Variants in ACTR3C observed in about 807,000 individuals in gnomAD.
ACTR3C encodes actin related protein 3C, also known as actin-related protein 3C.
Under a neutral mutation model 26.3 loss-of-function variants are expected in ACTR3C, and 18 were observed. That is an observed-to-expected ratio of 0.68 (90% CI 0.47 to 1.01). The LOEUF (loss-of-function observed/expected upper bound fraction) is 1.01, where lower values mean the gene tolerates loss of function less well. ACTR3C is among the 50% of genes least tolerant of loss of function. The probability of loss-of-function intolerance (pLI) is 0.00; values close to 1 mark genes in which losing one functional copy is unlikely to be tolerated. For missense variants in ACTR3C, 184 were observed against 250.7 expected, an observed-to-expected ratio of 0.73 and a Z score of 1.80; for synonymous variants, 55 against 94.5, an observed-to-expected ratio of 0.58 and a Z score of 2.42.
rs1835622071 is a variant in ACTR3C, at chr7:150,284,632, C to A, written c.564+121G>T. 1.4e-5 allele frequency: 12 copies of A among 838,740 alleles called. No individual in the cohort carries two copies. The South Asian group carries it at 3.1e-4, about 22-fold the overall frequency. The allele number at this position is 838,740 out of a possible 1,614,324, so 52.0% of individuals were successfully genotyped here. Reference sequence around the variant, plus strand: ...ACAATTATATTGTCTTTAACAAATCCTATGAAACAGAAGGTGAAACAGGGA... The same window carrying A: ...ACAATTATATTGTCTTTAACAAATCATATGAAACAGAAGGTGAAACAGGGA... On this transcript the variant is annotated intron_variant, in intron 6 of 7. Transcript: ENST00000683684.
the ACTR3C span, among the ~76,000 whole-genome samples, chr7:150,213,668 G>A: frequency 6.6e-6 from 1 of 151,958 alleles, no homozygotes; most frequent in Admixed American, 6.6e-5. Context: ...AAAAGGGGCA[G>A]GAAAGAATAG....
At chr7:150,193,093 G>A in the ACTR3C span, among the ~76,000 whole-genome samples, 2 of 152,264 alleles carry the variant, frequency 1.3e-5, no homozygotes, top group Non-Finnish European at 2.9e-5. Flanking sequence ...TTGCTGATGT[G>A]TCTTCCCCAG....
the ACTR3C span, among the ~76,000 whole-genome samples, chr7:149,982,190 C>T: frequency 5.9e-5 from 9 of 152,158 alleles, no homozygotes; most frequent in South Asian, 6.2e-4. Context: ...CAGCTCCCAA[C>T]GCTCTATACC....
chr7:150,283,402 G>A (rs2129612146), intron 6 of ACTR3C, among the ~76,000 whole-genome samples: 1 of 150,026 alleles, frequency 6.7e-6, no homozygotes, highest in Middle Eastern at 3.4e-3. Context: ...AAACTGAACT[G>A]TAATTTGTTT....
At chr7:150,018,934 T>TA in the ACTR3C span, among the ~76,000 whole-genome samples, 1 of 149,008 alleles carries the variant, frequency 6.7e-6, no homozygotes, top group African/African-American at 2.5e-5. Context: ...TGTGTGTACA[T>TA]ATGCACTGAA....
chr7:150,226,726 C>T, the ACTR3C span, among the ~76,000 whole-genome samples: 1 of 152,188 alleles, frequency 6.6e-6, no homozygotes, highest in Non-Finnish European at 1.5e-5. Context: ...GCGTGAACCA[C>T]CAGGCCCCGC....
chr7:150,046,400 G>A, the ACTR3C span, among the ~76,000 whole-genome samples: 3,288 of 123,962 alleles, frequency 0.027, 135 homozygotes, highest in African/African-American at 0.095. Flanking sequence ...ATATGAAACA[G>A]GGAAACAGCA....
At chr7:150,313,180 C>T (rs956513308) in intron 1 of ACTR3C, among the ~76,000 whole-genome samples, 7 of 152,216 alleles carry the variant, frequency 4.6e-5, no homozygotes, top group Non-Finnish European at 7.3e-5. Flanking sequence ...TACCTCCCTT[C>T]GCTGACTCTC....
At chr7:150,053,743 A>AATTGGT in the ACTR3C span, among the ~76,000 whole-genome samples, 19 of 152,354 alleles carry the variant, frequency 1.2e-4, no homozygotes, top group East Asian at 3.5e-3. Context: ...CTGCCACGTA[A>AATTGGT]ATTGGTACTC....
chr7:149,952,078 C>T, the ACTR3C span, among the ~76,000 whole-genome samples: 10,051 of 149,166 alleles, frequency 0.067, 1,027 homozygotes, highest in African/African-American at 0.23. Flanking sequence ...GAGCAAGCTC[C>T]GCTGTCTCTT....
the ACTR3C span, among the ~76,000 whole-genome samples, chr7:150,056,432 A>T: frequency 6.6e-6 from 1 of 152,172 alleles, no homozygotes; most frequent in Non-Finnish European, 1.5e-5. Context: ...ATTTCCGAAC[A>T]ATTTCCTTCT....
chr7:150,068,341 C>T, the ACTR3C span, among the ~76,000 whole-genome samples: 1 of 152,194 alleles, frequency 6.6e-6, no homozygotes, highest in African/African-American at 2.4e-5. Flanking sequence ...GGCTTCCTTG[C>T]TCTTTCTCAG....
At chr7:150,031,450 T>G in the ACTR3C span, among the ~76,000 whole-genome samples, 1 of 152,040 alleles carries the variant, frequency 6.6e-6, no homozygotes, top group South Asian at 2.1e-4. Context: ...ATAAAACAAC[T>G]CACCTCCTGA....
chr7:150,173,414 G>A, the ACTR3C span, among the ~76,000 whole-genome samples: 1 of 146,926 alleles, frequency 6.8e-6, no homozygotes, highest in East Asian at 1.9e-4. Context: ...TGGAGTAACT[G>A]GGACACAGGG....
the ACTR3C span, among the ~76,000 whole-genome samples, chr7:149,887,574 A>G: frequency 5.8e-3 from 881 of 152,326 alleles, 8 homozygotes; most frequent in African/African-American, 0.02. Context: ...AGAGCTGCCC[A>G]TAGTGTCGCT....
the ACTR3C span, among the ~76,000 whole-genome samples, chr7:150,236,725 T>C: frequency 6.6e-6 from 1 of 151,330 alleles, no homozygotes; most frequent in East Asian, 1.9e-4. Context: ...TGGAGACCTA[T>C]ACCATCATAC....
the ACTR3C span, among the ~76,000 whole-genome samples, chr7:149,984,171 CT>C: frequency 2.0e-5 from 3 of 151,052 alleles, no homozygotes; most frequent in Non-Finnish European, 2.9e-5. Context: ...GTTTTTTTCC[CT>C]GTTTTATTTA....
At chr7:149,972,141 C>G in the ACTR3C span, among the ~76,000 whole-genome samples, 1 of 152,216 alleles carries the variant, frequency 6.6e-6, no homozygotes, top group Non-Finnish European at 1.5e-5. Context: ...CCCAGCTTCA[C>G]CGGCCCTGCA....
At chr7:150,296,613 C>G (rs556882755) in intron 1 of ACTR3C, among the ~76,000 whole-genome samples, 205 of 141,866 alleles carry the variant, frequency 1.4e-3, no homozygotes, top group Non-Finnish European at 7.0e-4. Flanking sequence ...AATAAAAAGT[C>G]TCTGGACCTT....
Sources: gnomAD v4.1 joint callset for allele counts (sites outside exome capture counted in the v4.1 genomes callset) on GRCh38, gnomAD v4.1.1 for gene constraint, MANE v1.5 for transcripts, NCBI Gene and HGNC (gene_info 2026-07-23, HGNC 2026-07-21) for gene names.